Variants in TACC2 observed in about 807,000 individuals in gnomAD.
The protein encoded by TACC2 is transforming acidic coiled-coil-containing protein 2.
In TACC2, 137 loss-of-function variants were observed where a neutral mutation model predicts 227.3. The ratio of observed to expected loss-of-function variants is 0.60; its 90% CI spans 0.52 to 0.69. The LOEUF (loss-of-function observed/expected upper bound fraction) is 0.69. TACC2 is among the 30% of genes least tolerant of loss of function. The pLI, the probability that TACC2 is intolerant of heterozygous loss-of-function variation, is 0.00. For missense variants in TACC2, 3,470 were observed against 3,694.4 expected, an observed-to-expected ratio of 0.94 and a Z score of 1.57; for synonymous variants, 1,523 against 1,487.5, an observed-to-expected ratio of 1.02 and a Z score of -0.55.
chr10:122,044,288 A>G (rs1344996402), intron 2 of TACC2, among the ~76,000 whole-genome samples: 5 of 152,236 alleles, frequency 3.3e-5, no homozygotes, highest in Admixed American at 3.3e-4. Flanking sequence ...GTCCTCTGCA[A>G]CCTGTATTCG....
intron 7 of TACC2, among the ~76,000 whole-genome samples, chr10:122,158,288 C>T (rs2092611863): frequency 6.6e-6 from 1 of 151,906 alleles, no homozygotes; most frequent in Admixed American, 6.6e-5. Context: ...ACTCGGGAGG[C>T]TGAGGGAGGA....
In TACC2 at chr10:122,215,377, C is replaced by T. The variant is rs1398317328; in HGVS notation, c.7284-14C>T. On this transcript the variant is annotated splice_polypyrimidine_tract_variant and intron_variant, in intron 9 of 22. Coordinates refer to ENST00000369005, the MANE Select transcript of TACC2 (RefSeq NM_206862.4). ...CTCTGCTTGTTGTGTTTACGTTTTC[C>T]ATTTTGTTTCCAGTGACACATTTAG... is the stretch of plus-strand genomic sequence containing the variant. 6.2e-7 allele frequency: 1 copy of T among 1,612,820 alleles called. No homozygotes were observed. The highest frequency in any genetic ancestry group is 1.3e-5 in the African/African-American group (1 of 74,996).
intron 5 of TACC2, among the ~76,000 whole-genome samples, chr10:122,105,015 A>T (rs1354907947): frequency 6.6e-6 from 1 of 152,220 alleles, no homozygotes; most frequent in African/African-American, 2.4e-5. Context: ...GCAGCACTTG[A>T]TAAGTGACTT....
chr10:122,082,006 G>A (rs1194188358), intron 3 of TACC2, among the ~76,000 whole-genome samples: 1 of 152,162 alleles, frequency 6.6e-6, no homozygotes, highest in Non-Finnish European at 1.5e-5. Context: ...CCCCTGTTAT[G>A]ATTTACTCTT....
chr10:122,070,067 G>A (rs1565205933), intron 3 of TACC2, among the ~76,000 whole-genome samples: 1 of 152,134 alleles, frequency 6.6e-6, no homozygotes, highest in East Asian at 1.9e-4. Flanking sequence ...ACAGAGAGAC[G>A]ATCTCAACAA....
intron 5 of TACC2, among the ~76,000 whole-genome samples, chr10:122,113,922 A>C (rs573552816): frequency 4.6e-5 from 7 of 152,360 alleles, no homozygotes; most frequent in African/African-American, 1.7e-4. Context: ...TTTGCTGCCC[A>C]GGCTCCGAGC....
At chr10:122,202,707 A>G in intron 8 of TACC2, among the ~76,000 whole-genome samples, 1 of 125,942 alleles carries the variant, frequency 7.9e-6, no homozygotes, top group African/African-American at 3.0e-5. Flanking sequence ...TTTCTCGGAG[A>G]GGGGGATTTG....
intron 2 of TACC2, among the ~76,000 whole-genome samples, chr10:122,036,976 T>TA (rs1455486465): frequency 3.3e-5 from 5 of 152,336 alleles, no homozygotes; most frequent in African/African-American, 1.2e-4. Flanking sequence ...GTTTGTTTTT[T>TA]AAATTACAGT....
At chr10:122,061,665 C>T (rs1195819035) in intron 3 of TACC2, among the ~76,000 whole-genome samples, 1 of 152,164 alleles carries the variant, frequency 6.6e-6, no homozygotes, top group Non-Finnish European at 1.5e-5. Flanking sequence ...TTAATCAACA[C>T]GGGCCCACTA....
rs1017538309 is a variant in TACC2 at position 122,108,436 on chromosome 10, T to C, written c.5573+19845T>C. Among the ~76,000 whole-genome samples the C allele has an allele frequency of 7.3e-4, 99 of 136,004 alleles. 1 individual carries two copies. Among genetic ancestry groups the C allele is most frequent in the Non-Finnish European group, 1.9e-4 (12 of 64,494 alleles). The allele number at this position is 136,004 out of a possible 152,430, so 89.2% of individuals were successfully genotyped here. A position where few individuals can be genotyped will look rare whatever the true frequency, so the allele number is the denominator to read the frequency against. On this transcript the variant is annotated intron_variant, in intron 5 of 22. Coordinates refer to ENST00000369005, the MANE Select transcript of TACC2 (RefSeq NM_206862.4). The stretch of plus-strand genomic sequence containing the variant: ...TGTGTATATATATATGTGTATGTCA[T>C]ATTTTCTTTTTTTTTTTTTTTTTTT...
intron 8 of TACC2, among the ~76,000 whole-genome samples, chr10:122,201,523 C>T (rs182105178): frequency 1.7e-4 from 26 of 152,348 alleles, no homozygotes; most frequent in Admixed American, 1.4e-3. Context: ...ATGGGGAGGA[C>T]GGTGACCTCA....
At chr10:122,092,817 C>T (rs2137331985) in intron 5 of TACC2, among the ~76,000 whole-genome samples, 1 of 152,296 alleles carries the variant, frequency 6.6e-6, no homozygotes. Flanking sequence ...CAGAGAGTGG[C>T]TGTGCATTTC....
At chr10:122,235,591 T>C (rs1345291381) in intron 16 of TACC2, among the ~76,000 whole-genome samples, 3 of 152,138 alleles carry the variant, frequency 2.0e-5, no homozygotes, top group South Asian at 2.1e-4. Context: ...AGGACAAATA[T>C]TGAGTCTTGA....
chr10:122,217,765 G>T lies in TACC2; in HGVS notation c.7546+937G>T, dbSNP rs543968893. Among the ~76,000 whole-genome samples, 63 of 151,840 alleles carry T rather than the reference G, an allele frequency of 4.1e-4. 1 individual carries two copies. In the South Asian group the frequency reaches 0.013, roughly 32 times the overall value. ...TTTTTGATAGGAAAACCTTTTTGAA[G>T]GAGAGCTAGCACCTTTCTTGGGAGG... On this transcript the variant is annotated intron_variant, in intron 11 of 22. Coordinates refer to ENST00000369005, the MANE Select transcript of TACC2 (RefSeq NM_206862.4).
chr10:122,057,187 G>A (rs563414628), intron 3 of TACC2, among the ~76,000 whole-genome samples: 158 of 152,190 alleles, frequency 1.0e-3, no homozygotes, highest in African/African-American at 3.5e-3. Flanking sequence ...GTGAGACTCC[G>A]TCTCAAACAT....
At chr10:122,219,187 T>C (rs1980672) in intron 11 of TACC2, among the ~76,000 whole-genome samples, 48,613 of 151,272 alleles carry the variant, frequency 0.32, 7,902 homozygotes, top group East Asian at 0.45. Context: ...AGTGCTGCTG[T>C]AGACCCCGCC....
chr10:122,164,273 C>T (rs2093012487), intron 7 of TACC2, among the ~76,000 whole-genome samples: 1 of 152,226 alleles, frequency 6.6e-6, no homozygotes, highest in African/African-American at 2.4e-5. Flanking sequence ...CATCTTTCCT[C>T]TGCACCCCCG....
intron 3 of TACC2, among the ~76,000 whole-genome samples, chr10:122,078,009 A>G (rs984626736): frequency 5.9e-5 from 9 of 152,054 alleles, no homozygotes; most frequent in African/African-American, 1.7e-4. Context: ...AGCCTGGCCA[A>G]TATGGTGAAA....
At chr10:122,037,630 T>C (rs936527141) in intron 2 of TACC2, among the ~76,000 whole-genome samples, 4 of 152,244 alleles carry the variant, frequency 2.6e-5, no homozygotes, top group African/African-American at 7.2e-5. Context: ...CCCTGTGGCT[T>C]GTTCAGAGAG....
Sources: gnomAD v4.1 joint callset for allele counts (sites outside exome capture counted in the v4.1 genomes callset) on GRCh38, gnomAD v4.1.1 for gene constraint, MANE v1.5 for transcripts, NCBI Gene and HGNC (gene_info 2026-07-23, HGNC 2026-07-21) for gene names.